Variants in PDGFC observed in about 807,000 individuals in gnomAD.
PDGFC encodes platelet-derived growth factor C.
A neutral mutation model predicts 35.5 loss-of-function variants in PDGFC; 12 were observed. The ratio of observed to expected loss-of-function variants is 0.34; its 90% CI spans 0.22 to 0.55. PDGFC has a LOEUF of 0.55. Among genes scored for constraint, PDGFC ranks in the 20% least tolerant of loss-of-function variants. The probability of loss-of-function intolerance (pLI) is 0.91; values close to 1 mark genes in which losing one functional copy is unlikely to be tolerated. For missense variants in PDGFC, 322 were observed against 412.4 expected (o/e 0.78, Z 1.90); for synonymous variants, 159 against 148.8 (o/e 1.07, Z -0.50).
chr4:156,855,645 C>G (rs1339708807), intron 1 of PDGFC, among the ~76,000 whole-genome samples: 1 of 152,102 alleles, frequency 6.6e-6, no homozygotes, highest in Non-Finnish European at 1.5e-5. Context: ...CCCATTCTCA[C>G]TCTATAAATT....
chr4:156,946,520 C>G (rs960186557), intron 1 of PDGFC, among the ~76,000 whole-genome samples: 1 of 151,994 alleles, frequency 6.6e-6, no homozygotes, highest in Non-Finnish European at 1.5e-5. Flanking sequence ...AGAAATTATA[C>G]AGGATTTTAA....
Position 156,763,086 on chromosome 4 carries a change from G to A in PDGFC, c.*4C>T. ...CTGGGCAAGAGCTGCTGGTGGTGAT[G>A]CGGCTATCCTCCTGTGCTCCCTCTG... On this transcript the variant is annotated 3_prime_UTR_variant, in exon 6 of 6. Coordinates refer to ENST00000502773, the MANE Select transcript of PDGFC (RefSeq NM_016205.3). The A allele has an allele frequency of 1.3e-6, 2 of 1,494,172 alleles. No individual in the cohort carries two copies. Among genetic ancestry groups the A allele is most frequent in the South Asian group, 2.3e-5 (2 of 88,366 alleles). The allele number at this position is 1,494,172 out of a possible 1,614,324, so 92.6% of individuals were successfully genotyped here. A position where few individuals can be genotyped will look rare whatever the true frequency, so the allele number is the denominator to read the frequency against.
At position 156,862,587 on chromosome 4, in the gene PDGFC, G is replaced by T. The variant is rs183503773; in HGVS notation, c.119-12171C>A. Among the ~76,000 whole-genome samples the T allele has an allele frequency of 3.1e-3, 471 of 152,212 alleles. 1 individual carries two copies. Among genetic ancestry groups the T allele is most frequent in the African/African-American group, 0.011 (453 of 41,540 alleles). On this transcript the variant is annotated intron_variant, in intron 1 of 5. Coordinates refer to ENST00000502773, the MANE Select transcript of PDGFC (RefSeq NM_016205.3). ...GATTTCAACACAACACACTTTCAGA[G>T]AATGGACATTACACAAATAATCCAA...
chr4:156,962,861 C>T (rs945282429), intron 1 of PDGFC, among the ~76,000 whole-genome samples: 1 of 152,074 alleles, frequency 6.6e-6, no homozygotes, highest in Non-Finnish European at 1.5e-5. Context: ...CCTGGAGAGT[C>T]ATTATTAAGC....
At chr4:156,894,153 T>A in intron 1 of PDGFC, among the ~76,000 whole-genome samples, 1 of 152,226 alleles carries the variant, frequency 6.6e-6, no homozygotes, top group East Asian at 1.9e-4. Context: ...TGTAAGTATA[T>A]TAGCAACAAT....
intron 1 of PDGFC, among the ~76,000 whole-genome samples, chr4:156,885,645 C>T (rs999881187): frequency 6.6e-6 from 1 of 152,010 alleles, no homozygotes; most frequent in Non-Finnish European, 1.5e-5. Flanking sequence ...TAACCCCACA[C>T]CTTTGGGAGG....
intron 1 of PDGFC, among the ~76,000 whole-genome samples, chr4:156,954,927 C>T (rs569658905): frequency 6.6e-6 from 1 of 152,128 alleles, no homozygotes; most frequent in East Asian, 1.9e-4. Context: ...AAAAGATCTG[C>T]CATCCAGTGG....
At chr4:156,966,553 T>C (rs1365795322) in intron 1 of PDGFC, among the ~76,000 whole-genome samples, 1 of 151,848 alleles carries the variant, frequency 6.6e-6, no homozygotes, top group Non-Finnish European at 1.5e-5. Flanking sequence ...TGCAAAAGTT[T>C]ATAGATAAAA....
In PDGFC at chr4:156,971,739, C is replaced by T. The variant is rs972666828; in HGVS notation, c.-836G>A. On this transcript the variant is annotated 5_prime_UTR_variant, in exon 1 of 6. Coordinates refer to ENST00000502773, the MANE Select transcript of PDGFC (RefSeq NM_016205.3). ...GGGCTCCGGTTGTTCCCCGTCCCCTCCCCCCACGCCTCGGGCTCCGCGCTA... is the reference window on the plus strand; with the variant it reads ...GGGCTCCGGTTGTTCCCCGTCCCCTTCCCCCACGCCTCGGGCTCCGCGCTA... Among the ~76,000 whole-genome samples, 5 of 151,920 alleles carry T rather than the reference C, an allele frequency of 3.3e-5. No individual in the cohort carries two copies. The highest frequency in any genetic ancestry group is 1.2e-4 in the African/African-American group (5 of 41,424).
At chr4:156,853,657 T>A (rs1729505723) in intron 1 of PDGFC, among the ~76,000 whole-genome samples, 1 of 152,128 alleles carries the variant, frequency 6.6e-6, no homozygotes, top group Non-Finnish European at 1.5e-5. Flanking sequence ...CATAGACAAA[T>A]TTTATTAAGA....
chr4:156,855,124 T>C lies in PDGFC; in HGVS notation c.119-4708A>G, dbSNP rs1216850757. Reference sequence around the variant, plus strand: ...ATACAATTCAGTTATATAGAATCACTATATATCTGTAAGTAGTCAGTTTAG... The same window carrying C: ...ATACAATTCAGTTATATAGAATCACCATATATCTGTAAGTAGTCAGTTTAG... On this transcript the variant is annotated intron_variant, in intron 1 of 5. Coordinates refer to ENST00000502773, the MANE Select transcript of PDGFC (RefSeq NM_016205.3). Among the ~76,000 whole-genome samples, 3 of 152,092 alleles carry C rather than the reference T, an allele frequency of 2.0e-5. 1 individual carries two copies. The highest frequency in any genetic ancestry group is 2.0e-4 in the Admixed American group (3 of 15,258).
At chr4:156,934,367 T>C (rs555779834) in intron 1 of PDGFC, among the ~76,000 whole-genome samples, 78 of 152,222 alleles carry the variant, frequency 5.1e-4, no homozygotes, top group African/African-American at 1.9e-3. Context: ...AAAAATACAA[T>C]ATAAAAGATT....
At chr4:156,888,931 T>A (rs990280427) in intron 1 of PDGFC, among the ~76,000 whole-genome samples, 2 of 152,214 alleles carry the variant, frequency 1.3e-5, no homozygotes, top group South Asian at 2.1e-4. Context: ...TTAAGAGCTT[T>A]GAGTTACTCA....
At chr4:156,788,129 A>T (rs2110870931) in intron 3 of PDGFC, among the ~76,000 whole-genome samples, 1 of 152,300 alleles carries the variant, frequency 6.6e-6, no homozygotes, top group African/African-American at 2.4e-5. Flanking sequence ...TCTTAAATCA[A>T]GTGTGCTGGC....
intron 1 of PDGFC, among the ~76,000 whole-genome samples, chr4:156,919,492 T>C (rs891959932): frequency 6.3e-4 from 2 of 3,168 alleles, no homozygotes; most frequent in Non-Finnish European, 0.031. Flanking sequence ...CACGCATTTT[T>C]TCCTATTTAT....
chr4:156,952,278 T>C (rs1461765985), intron 1 of PDGFC, among the ~76,000 whole-genome samples: 2 of 151,886 alleles, frequency 1.3e-5, no homozygotes, highest in Non-Finnish European at 2.9e-5. Flanking sequence ...TAACCTAAAT[T>C]ATAGATTAGC....
At position 156,850,287 on chromosome 4, in the gene PDGFC, T is replaced by C. The variant is rs1427163786; in HGVS notation, c.248A>G (p.Asn83Ser). 1 of 1,610,094 alleles carries C rather than the reference T, an allele frequency of 6.2e-7. No individual in the cohort carries two copies. The highest frequency in any genetic ancestry group is 8.5e-7 in the Non-Finnish European group (1 of 1,177,692). The change falls in exon 2 of 6, where the codon AAT becomes AGT. Residue 83 changes from asparagine (N) to serine (S), a missense_variant. Physicochemically the swap from Asn to Ser is conservative, Grantham distance 46. This residue lies in a region of PDGFC where 120 missense variants were observed against 116.6 expected (regional missense o/e 1.03). Coordinates refer to ENST00000502773, the MANE Select transcript of PDGFC (RefSeq NM_016205.3). ...ATCAAACGTAAGTTGTATCCATACA[T>C]TTTCCTCTACTGCTACTAATCTCCA... ...LVWRLVAVEE[N>S]VWIQLTFDER... is the part of the protein sequence containing the mutation.
At chr4:156,961,664 T>C (rs567395219) in intron 1 of PDGFC, among the ~76,000 whole-genome samples, 28 of 152,250 alleles carry the variant, frequency 1.8e-4, no homozygotes, top group African/African-American at 5.8e-4. Context: ...TGTAACCTCA[T>C]AGCAATTAAT....
intron 1 of PDGFC, among the ~76,000 whole-genome samples, chr4:156,851,688 A>G (rs1729456649): frequency 6.6e-6 from 1 of 152,114 alleles, no homozygotes; most frequent in Non-Finnish European, 1.5e-5. Context: ...TCACGCCTGT[A>G]ATCCCAGCAC....
Sources: gnomAD v4.1 joint callset for allele counts (sites outside exome capture counted in the v4.1 genomes callset) on GRCh38, gnomAD v4.1.1 for gene constraint, gnomAD v4.1.1 regional missense constraint, MANE v1.5 for transcripts, NCBI Gene and HGNC (gene_info 2026-07-23, HGNC 2026-07-21) for gene names.